The following MAEL variants were observed in gnomAD, a reference collection of about 807,000 sequenced individuals.
MAEL encodes protein maelstrom homolog.
MAEL carries 46 observed loss-of-function variants against 62.0 expected under a neutral mutation model. That is an observed-to-expected ratio of 0.74 (90% CI 0.59 to 0.95). The LOEUF (loss-of-function observed/expected upper bound fraction) is 0.95, where lower values mean the gene tolerates loss of function less well. Ranked by LOEUF, MAEL falls within the 40% of genes least tolerant of loss-of-function variation. MAEL has a pLI of 0.00. For missense variants in MAEL, 497 were observed against 526.8 expected, an observed-to-expected ratio of 0.94 and a Z score of 0.55; for synonymous variants, 172 against 175.5, an observed-to-expected ratio of 0.98 and a Z score of 0.16.
intron 1 of MAEL, among the ~76,000 whole-genome samples, chr1:166,975,887 G>A (rs1288705087): frequency 6.6e-6 from 1 of 152,124 alleles, no homozygotes; most frequent in Non-Finnish European, 1.5e-5. Context: ...ACCTGAACGG[G>A]GAGAGAGTGA....
At chr1:166,997,514 A>T (rs901105180) in intron 5 of MAEL, among the ~76,000 whole-genome samples, 7 of 152,076 alleles carry the variant, frequency 4.6e-5, no homozygotes, top group Non-Finnish European at 1.5e-5. Flanking sequence ...GTGTCTTTTA[A>T]TGAACAGACT....
intron 2 of MAEL, 94 bp from the exon 3 acceptor site, chr1:166,991,284 T>C (rs1664162500): frequency 2.6e-6 from 2 of 755,786 alleles, no homozygotes; most frequent in Admixed American, 1.8e-5. Flanking sequence ...TGGTAATCTA[T>C]AGGCTGTTTT....
At position 166,989,342 on chromosome 1, in the gene MAEL, A is replaced by G. The variant is rs781121832; in HGVS notation, c.-11A>G. On this transcript the variant is annotated 5_prime_UTR_variant, in exon 1 of 12. Coordinates refer to ENST00000367872, the MANE Select transcript of MAEL (RefSeq NM_032858.3). ...GTTCTGTCTGAGGCCAGGAAGTTTG[A>G]CCGCGCTGCCATGCCGAACCGTAAG... 2 of 1,606,468 alleles carry G rather than the reference A, an allele frequency of 1.2e-6. No individual in the cohort carries two copies. Among genetic ancestry groups the G allele is most frequent in the Admixed American group, 3.4e-5 (2 of 58,994 alleles).
At chr1:167,003,379 ATTTG>A (rs1318098295) in intron 5 of MAEL, among the ~76,000 whole-genome samples, 2 of 152,180 alleles carry the variant, frequency 1.3e-5, no homozygotes, top group African/African-American at 2.4e-5. Context: ...TCAACTATAT[ATTTG>A]TTCTCGTTCT....
At chr1:167,015,075 C>A (rs961383583) in intron 8 of MAEL, among the ~76,000 whole-genome samples, 1 of 152,026 alleles carries the variant, frequency 6.6e-6, no homozygotes, top group African/African-American at 2.4e-5. Flanking sequence ...ACCACAACTC[C>A]CAATCCAGAA....
upstream of MAEL, among the ~76,000 whole-genome samples, chr1:166,986,164 TGAA>T (rs1199540104): frequency 6.6e-6 from 1 of 151,830 alleles, no homozygotes; most frequent in Non-Finnish European, 1.5e-5. Flanking sequence ...AGGAAAAAAA[TGAA>T]GAGAGCATCA....
At chr1:166,985,570 A>G (rs1663888256), upstream of MAEL, among the ~76,000 whole-genome samples, 1 of 152,260 alleles carries the variant, frequency 6.6e-6, no homozygotes, top group Non-Finnish European at 1.5e-5. Flanking sequence ...TTATATCAGT[A>G]GAGGAGAAAA....
chr1:166,995,045 TAA>T (rs1049139804), intron 5 of MAEL, among the ~76,000 whole-genome samples: 5 of 138,832 alleles, frequency 3.6e-5, no homozygotes, highest in Admixed American at 1.6e-4. Context: ...AAATTAAAAA[TAA>T]GTTTTTCAAA....
upstream of MAEL, among the ~76,000 whole-genome samples, chr1:166,986,657 C>T (rs1278230431): frequency 6.6e-6 from 1 of 152,040 alleles, no homozygotes; most frequent in African/African-American, 2.4e-5. Context: ...ATCAATCCAG[C>T]TCACGCAGAG....
chr1:166,984,429 A>C (rs1663854247), upstream of MAEL, among the ~76,000 whole-genome samples: 1 of 152,034 alleles, frequency 6.6e-6, no homozygotes, highest in Non-Finnish European at 1.5e-5. Context: ...ACCACAAAAA[A>C]GTATAAGTAT....
chr1:166,994,771 G>A (rs2102075906), intron 5 of MAEL, among the ~76,000 whole-genome samples: 1 of 149,006 alleles, frequency 6.7e-6, no homozygotes, highest in South Asian at 2.1e-4. Flanking sequence ...CTTGGTTCAA[G>A]CAATTCTTCT....
At position 166,999,966 on chromosome 1, in the gene MAEL, GAAAA is replaced by G. The variant is rs558054550; in HGVS notation, c.524-4206_524-4203del. On this transcript the variant is annotated intron_variant, in intron 5 of 11. Coordinates refer to ENST00000367872, the MANE Select transcript of MAEL (RefSeq NM_032858.3). The stretch of plus-strand genomic sequence containing the variant: ...GAACACTGTTGAAATCTGCTGCTCA[GAAAA>G]AAAAAAAGATTCCTTTCAAAATTTT... Among the ~76,000 whole-genome samples the G allele has an allele frequency of 2.4e-3, 343 of 144,266 alleles. 3 individuals carry two copies. Among genetic ancestry groups the G allele is most frequent in the African/African-American group, 8.3e-3 (327 of 39,430 alleles). 94.6% of individuals were successfully genotyped at this position (144,266 alleles called of 152,430 possible). A position where few individuals can be genotyped will look rare whatever the true frequency, so the allele number is the denominator to read the frequency against.
intron 2 of MAEL, chr1:166,990,661 A>G (rs1177947308): frequency 2.0e-5 from 3 of 152,198 alleles, no homozygotes; most frequent in Non-Finnish European, 2.9e-5. Flanking sequence ...TCTGTATCAA[A>G]AAAAAGAAAA....
chr1:167,011,024 C>T (rs768575139), intron 8 of MAEL, among the ~76,000 whole-genome samples: 16 of 151,480 alleles, frequency 1.1e-4, no homozygotes, highest in Non-Finnish European at 2.4e-4. Context: ...TACCTAATTT[C>T]TAAAGGGCCC....
At chr1:166,979,708 G>A (rs1427555401) in intron 1 of MAEL, among the ~76,000 whole-genome samples, 32 of 152,216 alleles carry the variant, frequency 2.1e-4, no homozygotes, top group Admixed American at 2.1e-3. Flanking sequence ...AGAACCTGCA[G>A]TCTCAGGCTT....
intron 5 of MAEL, among the ~76,000 whole-genome samples, chr1:167,002,140 T>C (rs944671054): frequency 2.6e-5 from 4 of 152,204 alleles, no homozygotes; most frequent in African/African-American, 9.6e-5. Context: ...CCCAGTGTGG[T>C]CACTATATAT....
Position 166,989,430 on chromosome 1 carries a change from C to A in MAEL, c.78C>A (p.Gly26=). ...AGATCCCCGAACTACGGCGACGAGGCCTGCCTGTGGCTCGCGTTGCTGATG... is the reference window on the plus strand; with the variant it reads ...AGATCCCCGAACTACGGCGACGAGGACTGCCTGTGGCTCGCGTTGCTGATG... ...QEKIPELRRR[G]LPVARVADAI... is the part of the protein sequence containing the mutation. Residue 26 remains glycine, a synonymous_variant, in exon 1 of 12, where the codon GGC becomes GGA. Transcript: ENST00000367872. 25 of 1,600,554 alleles carry A rather than the reference C, an allele frequency of 1.6e-5. No homozygotes were observed. The highest frequency in any genetic ancestry group is 2.0e-5 in the Non-Finnish European group (24 of 1,173,788).
chr1:166,994,145 C>G, intron 5 of MAEL, 76 bp downstream of exon 5: 1 of 1,263,356 alleles, frequency 7.9e-7, no homozygotes, highest in Non-Finnish European at 1.1e-6. Flanking sequence ...CTTTTACACA[C>G]AAACTATAAA....
intron 1 of MAEL, among the ~76,000 whole-genome samples, chr1:166,980,306 T>C (rs1045514146): frequency 6.6e-6 from 1 of 152,098 alleles, no homozygotes; most frequent in Non-Finnish European, 1.5e-5. Context: ...GATTACAAGT[T>C]TGAGCCACTG....
Sources: allele counts gnomAD v4.1 joint callset (sites outside exome capture counted in the v4.1 genomes callset), GRCh38; gene constraint gnomAD v4.1.1; transcripts MANE v1.5; gene names NCBI Gene and HGNC (gene_info 2026-07-23, HGNC 2026-07-21).